The following DPYD variants were observed in gnomAD, a reference collection of about 807,000 sequenced individuals.
The protein encoded by DPYD is dihydropyrimidine dehydrogenase [NADP(+)].
DPYD carries 109 observed loss-of-function variants against 116.2 expected under a neutral mutation model. The ratio of observed to expected loss-of-function variants is 0.94; its 90% confidence interval spans 0.80 to 1.10. The LOEUF is 1.10. DPYD is among the 50% of genes least tolerant of loss of function. DPYD has a pLI of 0.00. For synonymous variants in DPYD, 440 were observed against 432.0 expected (o/e 1.02, Z -0.23); for missense variants, 1,302 against 1,254.5 (o/e 1.04, Z -0.57).
intron 14 of DPYD, among the ~76,000 whole-genome samples, chr1:97,427,769 T>C (rs1193262217): frequency 6.6e-6 from 1 of 152,010 alleles, no homozygotes; most frequent in African/African-American, 2.4e-5. Context: ...ATATTAATCC[T>C]GCCCCTTTGC....
chr1:97,304,200 T>C (rs1667029007), intron 18 of DPYD, among the ~76,000 whole-genome samples: 1 of 152,004 alleles, frequency 6.6e-6, no homozygotes, highest in Non-Finnish European at 1.5e-5. Context: ...TAGTGCATGT[T>C]ACAGCCCAAC....
At chr1:97,274,074 A>G (rs1349867210) in intron 18 of DPYD, among the ~76,000 whole-genome samples, 4 of 152,176 alleles carry the variant, frequency 2.6e-5, no homozygotes, top group African/African-American at 9.6e-5. Context: ...TACAACATAA[A>G]GTTAAGGCAA....
chr1:97,147,100 AG>A (rs1654686121), intron 20 of DPYD, among the ~76,000 whole-genome samples: 1 of 152,218 alleles, frequency 6.6e-6, no homozygotes, highest in South Asian at 2.1e-4. Flanking sequence ...CTGTAATCCC[AG>A]CACTTTGGGA....
intron 5 of DPYD, among the ~76,000 whole-genome samples, chr1:97,712,707 C>T (rs1417481908): frequency 3.9e-5 from 6 of 151,972 alleles, no homozygotes; most frequent in Non-Finnish European, 8.8e-5. Context: ...ACTGCAGAAC[C>T]AAGTTTCTTA....
intron 14 of DPYD, among the ~76,000 whole-genome samples, chr1:97,406,945 T>G (rs965704251): frequency 6.6e-6 from 1 of 152,166 alleles, no homozygotes; most frequent in East Asian, 1.9e-4. Context: ...TTTGCTTTTA[T>G]TTAAAAGGTC....
Position 97,740,409 on chromosome 1 carries a change from T to C in DPYD, c.304A>G (p.Thr102Ala). 1 of 1,612,766 alleles carries C rather than the reference T, an allele frequency of 6.2e-7. No individual in the cohort carries two copies. The highest frequency in any genetic ancestry group is 8.5e-7 in the Non-Finnish European group (1 of 1,179,074). Residue 102 changes from threonine (T) to alanine (A), a missense_variant, in exon 4 of 23, where the codon ACA becomes GCA. Transcript: ENST00000370192. ...GAATTTACCTTGTTTGCAATACTTG[T>C]GATGAATGATTTAATATCAAGATTA... The part of the protein sequence containing the change: ...PTNLDIKSFI[T>A]SIANKNYYGA...
At chr1:97,558,912 T>C (rs996372700) in intron 11 of DPYD, among the ~76,000 whole-genome samples, 1 of 152,168 alleles carries the variant, frequency 6.6e-6, no homozygotes, top group Admixed American at 6.6e-5. Flanking sequence ...AGGAGGTCAG[T>C]GTCCTTGAAG....
intron 8 of DPYD, among the ~76,000 whole-genome samples, chr1:97,639,355 T>C (rs1657749029): frequency 1.3e-5 from 2 of 152,136 alleles, no homozygotes; most frequent in Non-Finnish European, 2.9e-5. Flanking sequence ...TTAAAAATAA[T>C]ATTCTATTAC....
chr1:97,112,551 C>G (rs1344378446), intron 20 of DPYD, among the ~76,000 whole-genome samples: 1 of 152,102 alleles, frequency 6.6e-6, no homozygotes, highest in East Asian at 1.9e-4. Flanking sequence ...TGCTACTTCA[C>G]GAACATCTGG....
At chr1:97,398,768 G>T (rs1673169628) in intron 14 of DPYD, among the ~76,000 whole-genome samples, 1 of 151,952 alleles carries the variant, frequency 6.6e-6, no homozygotes, top group South Asian at 2.1e-4. Context: ...CTATTCATTT[G>T]CTGTGCCCTC....
At chr1:97,119,595 G>A (rs1652266093) in intron 20 of DPYD, among the ~76,000 whole-genome samples, 1 of 152,128 alleles carries the variant, frequency 6.6e-6, no homozygotes, top group African/African-American at 2.4e-5. Context: ...GCATGAATGT[G>A]CAACTGCTGT....
At chr1:97,380,079 C>T (rs1010671711) in intron 15 of DPYD, among the ~76,000 whole-genome samples, 5 of 152,142 alleles carry the variant, frequency 3.3e-5, no homozygotes, top group Non-Finnish European at 5.9e-5. Context: ...TACTCGGGCT[C>T]TATTTTCAAG....
intron 12 of DPYD, among the ~76,000 whole-genome samples, chr1:97,548,564 C>A (rs2102080084): frequency 6.6e-6 from 1 of 152,038 alleles, no homozygotes; most frequent in East Asian, 1.9e-4. Flanking sequence ...TAGTGAAACC[C>A]CATCTCTACT....
Position 97,136,236 on chromosome 1 carries a change from G to A in DPYD, c.2623-37604C>T, listed in dbSNP as rs937300636. 1.5e-4 allele frequency among the ~76,000 whole-genome samples: 23 copies of A among 152,268 alleles called. No homozygotes were observed. The East Asian group carries it at 4.4e-3, about 29-fold the overall frequency. On this transcript the variant is annotated intron_variant, in intron 20 of 22. Coordinates refer to ENST00000370192, the MANE Select transcript of DPYD (RefSeq NM_000110.4). ...AGAGTCTCCATTCATAAAACTCTAA[G>A]CTTTAAAAATGCTAGGAATCATTAC...
At chr1:97,465,504 A>G (rs1201387361) in intron 13 of DPYD, among the ~76,000 whole-genome samples, 1 of 152,166 alleles carries the variant, frequency 6.6e-6, no homozygotes, top group African/African-American at 2.4e-5. Context: ...AGGTAAATGA[A>G]TCACGGGGGT....
intron 14 of DPYD, among the ~76,000 whole-genome samples, chr1:97,398,704 G>T (rs1673164874): frequency 6.6e-6 from 1 of 152,160 alleles, no homozygotes; most frequent in Non-Finnish European, 1.5e-5. Context: ...CAGTGATGAT[G>T]AGCATTTTTT....
intron 8 of DPYD, among the ~76,000 whole-genome samples, chr1:97,614,514 C>T (rs192541998): frequency 2.0e-5 from 3 of 151,968 alleles, no homozygotes; most frequent in African/African-American, 7.2e-5. Flanking sequence ...GACAATTAGC[C>T]CCTAGAAGGG....
At chr1:97,370,760 T>C (rs1358211995) in intron 16 of DPYD, among the ~76,000 whole-genome samples, 2 of 152,160 alleles carry the variant, frequency 1.3e-5, no homozygotes, top group Non-Finnish European at 2.9e-5. Flanking sequence ...TCCCATATTT[T>C]AGAGATGGAC....
At chr1:97,585,636 AT>A (rs1379619307) in intron 10 of DPYD, among the ~76,000 whole-genome samples, 3 of 152,140 alleles carry the variant, frequency 2.0e-5, no homozygotes, top group Non-Finnish European at 2.9e-5. Flanking sequence ...ATTCATGTGT[AT>A]TTTTCATTTA....
Sources: gnomAD v4.1 joint callset for allele counts (sites outside exome capture counted in the v4.1 genomes callset) on GRCh38, gnomAD v4.1.1 for gene constraint, MANE v1.5 for transcripts, NCBI Gene and HGNC (gene_info 2026-07-23, HGNC 2026-07-21) for gene names.